RRAGD: variants seen among roughly 807,000 people sequenced by gnomAD.
The protein encoded by RRAGD is ras-related GTP-binding protein D.
In RRAGD, 12 loss-of-function variants were observed where a neutral mutation model predicts 35.5. The observed-to-expected ratio is 0.34, with a 90% confidence interval of 0.22 to 0.55. The LOEUF (loss-of-function observed/expected upper bound fraction) is 0.55, where lower values mean the gene tolerates loss of function less well. Ranked by LOEUF, RRAGD falls within the 20% of genes least tolerant of loss-of-function variation. The probability of loss-of-function intolerance (pLI) is 0.91; values close to 1 mark genes in which losing one functional copy is unlikely to be tolerated. For synonymous variants in RRAGD, 155 were observed against 178.9 expected, an observed-to-expected ratio of 0.87 and a Z score of 1.07; for missense variants, 324 against 490.1, an observed-to-expected ratio of 0.66 and a Z score of 3.20.
intron 1 of RRAGD, among the ~76,000 whole-genome samples, chr6:89,394,472 A>G (rs1034204710): frequency 3.2e-4 from 49 of 152,318 alleles, no homozygotes; most frequent in African/African-American, 1.2e-3. Flanking sequence ...TAATATACCA[A>G]TCATATTATT....
At chr6:89,399,797 T>C (rs1436775989) in intron 1 of RRAGD, among the ~76,000 whole-genome samples, 1 of 133,166 alleles carries the variant, frequency 7.5e-6, no homozygotes, top group Non-Finnish European at 1.5e-5. Flanking sequence ...AGAGACGAGG[T>C]CTCCCTATGT....
chr6:89,381,558 TACAG>T (rs1342097520), intron 2 of RRAGD, among the ~76,000 whole-genome samples: 3 of 152,226 alleles, frequency 2.0e-5, no homozygotes, highest in African/African-American at 7.2e-5. Flanking sequence ...TATACATTAA[TACAG>T]ACATATATAT....
At chr6:89,409,198 G>A (rs1769646888) in intron 1 of RRAGD, among the ~76,000 whole-genome samples, 1 of 152,204 alleles carries the variant, frequency 6.6e-6, no homozygotes, top group South Asian at 2.1e-4. Flanking sequence ...TACAGACTGA[G>A]GGAAATGAAA....
intron 1 of RRAGD, among the ~76,000 whole-genome samples, chr6:89,405,948 A>G (rs939000604): frequency 3.9e-5 from 6 of 152,350 alleles, no homozygotes; most frequent in African/African-American, 1.4e-4. Context: ...AACAAAAGCT[A>G]TGCAAAAATC....
intron 1 of RRAGD, among the ~76,000 whole-genome samples, chr6:89,392,526 A>C (rs1219104932): frequency 1.3e-5 from 2 of 151,966 alleles, no homozygotes; most frequent in Non-Finnish European, 2.9e-5. Context: ...ATATACATTA[A>C]ATTATTTTCC....
intron 1 of RRAGD, among the ~76,000 whole-genome samples, chr6:89,406,714 A>G (rs1442480787): frequency 2.0e-5 from 3 of 152,188 alleles, no homozygotes; most frequent in Admixed American, 1.3e-4. Flanking sequence ...AGGATACAGA[A>G]AGCACTCGGT....
Position 89,411,715 on chromosome 6 carries a change from A to T in RRAGD, c.148+131T>A. The T allele has an allele frequency of 9.9e-7, 1 of 1,008,462 alleles. No homozygotes were observed. Among genetic ancestry groups the T allele is most frequent in the Non-Finnish European group, 1.4e-6 (1 of 716,296 alleles). 62.5% of individuals were successfully genotyped at this position (1,008,462 alleles called of 1,614,324 possible). A position where few individuals can be genotyped will look rare whatever the true frequency, so the allele number is the denominator to read the frequency against. On this transcript the variant is annotated intron_variant, in intron 1 of 6. Coordinates refer to ENST00000369415, the MANE Select transcript of RRAGD (RefSeq NM_021244.5). This position sits in a 1 kb window ranked among gnomAD's most constrained non-coding sequence, Gnocchi z 5.6. The stretch of plus-strand genomic sequence containing the variant: ...GGCTTTTGGCGTCCCTCCCCACCCC[A>T]AACCCTCAACTGGACCCGCTCCCCT...
chr6:89,386,170 G>A (rs1769134056), intron 2 of RRAGD, among the ~76,000 whole-genome samples: 1 of 152,174 alleles, frequency 6.6e-6, no homozygotes, highest in South Asian at 2.1e-4. Context: ...CTGCAAAAGG[G>A]AGCCCTTGGG....
At chr6:89,397,221 G>A (rs1471486606) in intron 1 of RRAGD, among the ~76,000 whole-genome samples, 1 of 151,182 alleles carries the variant, frequency 6.6e-6, no homozygotes, top group Non-Finnish European at 1.5e-5. Flanking sequence ...AAATTAGGAA[G>A]AATCAGAGTA....
intron 1 of RRAGD, among the ~76,000 whole-genome samples, chr6:89,400,570 G>A (rs1304105684): frequency 6.6e-6 from 1 of 150,940 alleles, no homozygotes; most frequent in Non-Finnish European, 1.5e-5. Context: ...GTTAATCTGA[G>A]GATCCAGGGT....
At chr6:89,387,273 C>G (rs765249289) in intron 2 of RRAGD, 22 bp downstream of exon 2, 244 of 1,604,238 alleles carry the variant, frequency 1.5e-4, no homozygotes, top group Non-Finnish European at 2.0e-4. Context: ...GGCCATCATA[C>G]CCCTGAGACT....
intron 6 of RRAGD, among the ~76,000 whole-genome samples, chr6:89,369,778 T>G (rs1768825986): frequency 6.6e-6 from 1 of 152,254 alleles, no homozygotes; most frequent in Non-Finnish European, 1.5e-5. Flanking sequence ...TTGCTGTGTT[T>G]GGAATTTTAA....
At position 89,411,155 on chromosome 6, in the gene RRAGD, C is replaced by G. The variant is rs55798859; in HGVS notation, c.148+691G>C. Among the ~76,000 whole-genome samples, 1,001 of 152,360 alleles carry G rather than the reference C, an allele frequency of 6.6e-3. 7 individuals are homozygous for G. The highest frequency in any genetic ancestry group is 1.0e-2 in the Non-Finnish European group (680 of 68,028). On this transcript the variant is annotated intron_variant, in intron 1 of 6. Transcript: ENST00000369415. This position sits in a 1 kb window ranked among gnomAD's most constrained non-coding sequence, Gnocchi z 5.6. The stretch of plus-strand genomic sequence containing the variant: ...CTTCACTATTGAAGCAAAGAATTCC[C>G]CGCCGCGCGCTCACTCCCGGGCAGG...
In RRAGD at chr6:89,365,150, A is replaced by G. The variant is rs1582498405; in HGVS notation, c.*2906T>C. On this transcript the variant is annotated 3_prime_UTR_variant, in exon 7 of 7. Coordinates refer to ENST00000369415, the MANE Select transcript of RRAGD (RefSeq NM_021244.5). ...GGGTCCAAAATATGTTCACAAAAGA[A>G]CAGTTTGTGAATGTCAACCAGTTTT... is the stretch of plus-strand genomic sequence containing the variant. 1 of 152,350 alleles carries G rather than the reference A, an allele frequency of 6.6e-6. No homozygotes were observed. Among genetic ancestry groups the G allele is most frequent in the East Asian group, 1.9e-4 (1 of 5,184 alleles). 9.4% of individuals were successfully genotyped at this position (152,350 alleles called of 1,614,324 possible). A position where few individuals can be genotyped will look rare whatever the true frequency, so the allele number is the denominator to read the frequency against.
intron 1 of RRAGD, among the ~76,000 whole-genome samples, chr6:89,407,984 C>T (rs1769616837): frequency 6.6e-6 from 1 of 152,164 alleles, no homozygotes; most frequent in Admixed American, 6.5e-5. Flanking sequence ...TAGAAAGATA[C>T]TCTCTAAATA....
rs374410904 is a variant in RRAGD at position 89,387,520 on chromosome 6, G to A, written c.219C>T (p.Ser73=). ...PRILLMGLRR[S]GKSSIQKVVF... ...CAACTTTCTGAATAGACGACTTGCC[G>A]CTTCTCCTCAGGCCCATGAGCAGGA... Residue 73 remains serine, a synonymous_variant, in exon 2 of 7, where the codon AGC becomes AGT. Coordinates refer to ENST00000369415, the MANE Select transcript of RRAGD (RefSeq NM_021244.5). 201 of 1,614,104 alleles carry A rather than the reference G, an allele frequency of 1.2e-4. No homozygotes were observed. Among genetic ancestry groups the A allele is most frequent in the East Asian group, 9.1e-4 (41 of 44,882 alleles).
intron 1 of RRAGD, among the ~76,000 whole-genome samples, chr6:89,394,549 C>G (rs998589475): frequency 6.6e-6 from 1 of 152,168 alleles, no homozygotes; most frequent in East Asian, 1.9e-4. Flanking sequence ...TTATTTCCCA[C>G]TTAATCCCTT....
chr6:89,396,707 C>T (rs1582519377), intron 1 of RRAGD, among the ~76,000 whole-genome samples: 1 of 147,276 alleles, frequency 6.8e-6, no homozygotes, highest in East Asian at 2.0e-4. Flanking sequence ...GCATGAGCTG[C>T]TGCACCCAAC....
rs1639946302 is a variant in RRAGD at position 89,365,520 on chromosome 6, A to G, written c.*2536T>C. On this transcript the variant is annotated 3_prime_UTR_variant, in exon 7 of 7. Transcript: ENST00000369415. ...GACTTGAAGACATTTCCAATAACAC[A>G]GATTTGAAAAACTGAACGCTTAGAC... is the stretch of plus-strand genomic sequence containing the variant. 6.6e-6 allele frequency: 1 copy of G among 152,254 alleles called. No individual in the cohort carries two copies. Among genetic ancestry groups the G allele is most frequent in the Admixed American group, 6.5e-5 (1 of 15,292 alleles). The allele number at this position is 152,254 out of a possible 1,614,324, so 9.4% of individuals were successfully genotyped here.
Sources: allele counts gnomAD v4.1 joint callset (sites outside exome capture counted in the v4.1 genomes callset), GRCh38; gene constraint gnomAD v4.1.1; non-coding constraint Gnocchi (gnomAD v3.1); transcripts MANE v1.5; gene names NCBI Gene and HGNC (gene_info 2026-07-23, HGNC 2026-07-21).